The following CDH13 variants were observed in gnomAD, a reference collection of about 807,000 sequenced individuals.
CDH13 encodes the protein cadherin 13.
CDH13 carries 24 observed loss-of-function variants against 63.8 expected under a neutral mutation model. The observed-to-expected ratio is 0.38, with a 90% CI of 0.27 to 0.53. CDH13 has a LOEUF of 0.53. Among genes scored for constraint, CDH13 ranks in the 20% least tolerant of loss-of-function variants. The probability of loss-of-function intolerance (pLI) is 0.85; values close to 1 mark genes in which losing one functional copy is unlikely to be tolerated. For missense variants in CDH13, 1,049 were observed against 903.1 expected (o/e 1.16, Z -2.07); for synonymous variants, 503 against 355.3 (o/e 1.42, Z -4.67).
At chr16:82,996,775 C>G (rs149223013) in intron 2 of CDH13, among the ~76,000 whole-genome samples, 6 of 150,394 alleles carry the variant, frequency 4.0e-5, no homozygotes, top group African/African-American at 1.5e-4. Flanking sequence ...ATGGTGATGA[C>G]GATGGTGATG....
chr16:83,268,914 A>T (rs2088707115), intron 5 of CDH13, among the ~76,000 whole-genome samples: 1 of 84,400 alleles, frequency 1.2e-5, no homozygotes, highest in African/African-American at 4.5e-5. Context: ...TTAAAGGTAA[A>T]CTCTGCCACA....
chr16:82,841,382 G>A (rs1350979690), intron 1 of CDH13, among the ~76,000 whole-genome samples: 1 of 152,196 alleles, frequency 6.6e-6, no homozygotes, highest in East Asian at 1.9e-4. Flanking sequence ...TGAAAAGTCT[G>A]TGTTCTGAAC....
chr16:83,499,286 C>G (rs762138849), intron 7 of CDH13, among the ~76,000 whole-genome samples: 3 of 152,198 alleles, frequency 2.0e-5, no homozygotes, highest in African/African-American at 4.8e-5. Flanking sequence ...TGTGATACTT[C>G]TTTGTTTATA....
rs578189963 is a variant in CDH13, at chr16:83,674,804, T to C, written c.1285-3404T>C. Reference sequence around the variant, plus strand: ...CACCCTTAGCTGCTTTCTAAACCGATTCTAAAACCACCAGAAAGTTATTCT... The same window carrying C: ...CACCCTTAGCTGCTTTCTAAACCGACTCTAAAACCACCAGAAAGTTATTCT... On this transcript the variant is annotated intron_variant, in intron 9 of 13. Transcript: ENST00000567109. Among the ~76,000 whole-genome samples, 605 of 152,362 alleles carry C rather than the reference T, an allele frequency of 4.0e-3. 2 individuals are homozygous for C. The highest frequency in any genetic ancestry group is 8.8e-3 in the Admixed American group (134 of 15,308).
chr16:83,210,743 T>A (rs1030320149), intron 4 of CDH13, among the ~76,000 whole-genome samples: 1 of 151,072 alleles, frequency 6.6e-6, no homozygotes, highest in Admixed American at 6.6e-5. Context: ...CCGATTAAAG[T>A]GCAATTCAAG....
rs542171773 is a variant in CDH13 at position 82,975,301 on chromosome 16, C to A, written c.158-56709C>A. The stretch of plus-strand genomic sequence containing the variant: ...ATGGAGAGTAAGTGGAGACAAAACC[C>A]GTGCGCCTTGTGAGGACACAGGGCT... On this transcript the variant is annotated intron_variant, in intron 2 of 13. Coordinates refer to ENST00000567109, the MANE Select transcript of CDH13 (RefSeq NM_001257.5). Among the ~76,000 whole-genome samples, 308 of 152,276 alleles carry A rather than the reference C, an allele frequency of 2.0e-3. 2 individuals carry two copies. Among genetic ancestry groups the A allele is most frequent in the Middle Eastern group, 0.017 (5 of 294 alleles).
At chr16:83,045,305 A>C (rs1411785952) in intron 3 of CDH13, among the ~76,000 whole-genome samples, 2 of 152,180 alleles carry the variant, frequency 1.3e-5, no homozygotes, top group Non-Finnish European at 2.9e-5. Context: ...TGGAAATAGC[A>C]TGAGATTTCC....
intron 8 of CDH13, among the ~76,000 whole-genome samples, chr16:83,628,947 A>G (rs1450953424): frequency 2.6e-5 from 4 of 152,226 alleles, no homozygotes. Flanking sequence ...TTGTATTTGC[A>G]CCAATATCAA....
chr16:83,406,721 C>T (rs1409165918), intron 6 of CDH13, among the ~76,000 whole-genome samples: 2 of 152,178 alleles, frequency 1.3e-5, no homozygotes, highest in Non-Finnish European at 2.9e-5. Flanking sequence ...CCGCCTCAAC[C>T]TCCCAAAGTG....
intron 6 of CDH13, among the ~76,000 whole-genome samples, chr16:83,419,131 C>A (rs991258178): frequency 1.3e-5 from 2 of 152,110 alleles, no homozygotes; most frequent in Non-Finnish European, 2.9e-5. Flanking sequence ...TGACAGCTGT[C>A]GTTTTGTGAT....
intron 10 of CDH13, among the ~76,000 whole-genome samples, chr16:83,720,447 C>A (rs1313868226): frequency 6.6e-6 from 1 of 152,194 alleles, no homozygotes; most frequent in East Asian, 1.9e-4. Context: ...ATGCCAAGCA[C>A]AAGAGATTAG....
chr16:83,384,979 C>G (rs906053408), intron 6 of CDH13, among the ~76,000 whole-genome samples: 1 of 152,184 alleles, frequency 6.6e-6, no homozygotes, highest in Non-Finnish European at 1.5e-5. Flanking sequence ...CTCAAATAAG[C>G]TCTCCTGGCC....
intron 6 of CDH13, among the ~76,000 whole-genome samples, chr16:83,379,938 T>TATATATATATATATATATATAG: frequency 8.1e-6 from 1 of 123,460 alleles, no homozygotes; most frequent in African/African-American, 3.3e-5. Flanking sequence ...TATATATATA[T>TATATATATATATATATATATAG]AGAGAGAGAG....
chr16:83,760,221 A>G (rs534785724), intron 11 of CDH13, among the ~76,000 whole-genome samples: 34 of 152,326 alleles, frequency 2.2e-4, no homozygotes, highest in African/African-American at 8.2e-4. Context: ...AGTGCTGGCA[A>G]TGGTGTGAAA....
intron 8 of CDH13, among the ~76,000 whole-genome samples, chr16:83,613,805 C>T (rs1232417258): frequency 6.6e-6 from 1 of 152,034 alleles, no homozygotes; most frequent in Non-Finnish European, 1.5e-5. Flanking sequence ...CGCACTCCAG[C>T]CTCCATGACA....
chr16:83,434,302 A>C (rs1598011106), intron 6 of CDH13, among the ~76,000 whole-genome samples: 1 of 152,170 alleles, frequency 6.6e-6, no homozygotes, highest in African/African-American at 2.4e-5. Flanking sequence ...TTCTTGTCCT[A>C]CCTGCTCCAT....
At chr16:83,185,426 C>G (rs1233897900) in intron 4 of CDH13, among the ~76,000 whole-genome samples, 4 of 152,244 alleles carry the variant, frequency 2.6e-5, no homozygotes, top group South Asian at 2.1e-4. Flanking sequence ...TGTACACAAA[C>G]AGATCTTTAA....
chr16:83,595,803 A>G lies in CDH13; in HGVS notation c.961-6651A>G, dbSNP rs533424768. On this transcript the variant is annotated intron_variant, in intron 7 of 13. Transcript: ENST00000567109. ...CCTGGAACCCAAGGAAATAGGATCC[A>G]GTGAACATACAACATTGTTTTCACC... Among the ~76,000 whole-genome samples, 5 of 149,588 alleles carry G rather than the reference A, an allele frequency of 3.3e-5. No homozygotes were observed. In the South Asian group the frequency reaches 1.1e-3, roughly 32 times the overall value.
intron 8 of CDH13, among the ~76,000 whole-genome samples, chr16:83,606,072 G>T (rs1908303071): frequency 6.6e-6 from 1 of 152,208 alleles, no homozygotes; most frequent in Admixed American, 6.5e-5. Flanking sequence ...CCTAGAAACA[G>T]AGAGGAAAGA....
Sources: gnomAD v4.1 joint callset for allele counts (sites outside exome capture counted in the v4.1 genomes callset) on GRCh38, gnomAD v4.1.1 for gene constraint, MANE v1.5 for transcripts, NCBI Gene and HGNC (gene_info 2026-07-23, HGNC 2026-07-21) for gene names.